Variants in NAALADL2 observed in about 807,000 individuals in gnomAD.
The protein encoded by NAALADL2 is N-acetylated alpha-linked acidic dipeptidase like 2, also known as inactive N-acetylated-alpha-linked acidic dipeptidase-like protein 2.
Under a neutral mutation model 87.2 loss-of-function variants are expected in NAALADL2, and 76 were observed. The observed-to-expected ratio is 0.87, with a 90% CI of 0.72 to 1.05. The LOEUF is 1.05. Ranked by LOEUF, NAALADL2 falls within the 50% of genes least tolerant of loss-of-function variation. The pLI is 0.00. For missense variants in NAALADL2, 1,089 were observed against 945.8 expected (o/e 1.15, Z -1.99); for synonymous variants, 354 against 331.0 (o/e 1.07, Z -0.75).
intron 11 of NAALADL2, among the ~76,000 whole-genome samples, chr3:175,708,042 C>T (rs1739982107): frequency 6.6e-6 from 1 of 151,908 alleles, no homozygotes; most frequent in Admixed American, 6.6e-5. Flanking sequence ...ACATTTCAGG[C>T]AAAGGCAATG....
rs1297830446 is a variant in NAALADL2 at position 175,809,511 on chromosome 3, T to TAAAAAAAAAA, written c.*6327_*6336dup. 2 of 31,506 alleles carry TAAAAAAAAAA rather than the reference T, an allele frequency of 6.3e-5. No individual in the cohort carries two copies. The highest frequency in any genetic ancestry group is 1.1e-4 in the Non-Finnish European group (2 of 17,644). 2.0% of individuals were successfully genotyped at this position (31,506 alleles called of 1,614,324 possible). On this transcript the variant is annotated 3_prime_UTR_variant, in exon 14 of 14. Coordinates refer to ENST00000454872, the MANE Select transcript of NAALADL2 (RefSeq NM_207015.3). ...CAACAAAGTGAGACCCTGTCTCTCT[T>TAAAAAAAAAA]AAAAAAAAAAAAAAAAAAAAAAAAA...
intron 1 of NAALADL2, among the ~76,000 whole-genome samples, chr3:175,070,381 A>G (rs969665881): frequency 2.0e-5 from 3 of 152,020 alleles, no homozygotes; most frequent in African/African-American, 7.2e-5. Context: ...TTTATTGCAT[A>G]TAATGAGAAT....
At chr3:175,190,785 G>C (rs1046173742) in intron 2 of NAALADL2, among the ~76,000 whole-genome samples, 10 of 151,868 alleles carry the variant, frequency 6.6e-5, no homozygotes, top group Non-Finnish European at 1.0e-4. Flanking sequence ...GACCATCCTG[G>C]CTAACACGGT....
chr3:175,116,199 T>G (rs1006430401), intron 2 of NAALADL2, among the ~76,000 whole-genome samples: 1 of 151,884 alleles, frequency 6.6e-6, no homozygotes, highest in Non-Finnish European at 1.5e-5. Flanking sequence ...CTCTCACCAC[T>G]CCTATTCAAC....
intron 2 of NAALADL2, among the ~76,000 whole-genome samples, chr3:174,575,783 A>G (rs1029779874): frequency 6.6e-6 from 1 of 152,186 alleles, no homozygotes. Flanking sequence ...TAATTTAGTC[A>G]TTCACTTACT....
intron 2 of NAALADL2, among the ~76,000 whole-genome samples, chr3:174,610,418 T>C (rs1719695752): frequency 6.6e-6 from 1 of 151,752 alleles, no homozygotes; most frequent in South Asian, 2.1e-4. Flanking sequence ...CCTACTCATC[T>C]GACAAAGGGC....
chr3:175,639,987 G>C (rs1384782060), intron 11 of NAALADL2, among the ~76,000 whole-genome samples: 1 of 152,218 alleles, frequency 6.6e-6, no homozygotes, highest in Non-Finnish European at 1.5e-5. Context: ...TGAGTAGTTA[G>C]TGCGTGAACT....
At chr3:174,509,365 A>G (rs900413866) in intron 1 of NAALADL2, among the ~76,000 whole-genome samples, 15 of 150,218 alleles carry the variant, frequency 1.0e-4, no homozygotes, top group African/African-American at 3.4e-4. Context: ...GTGGGTGGAG[A>G]GAGAGAGAGA....
chr3:174,831,902 G>A (rs1168019989), intron 3 of NAALADL2, among the ~76,000 whole-genome samples: 1 of 151,314 alleles, frequency 6.6e-6, no homozygotes, highest in Non-Finnish European at 1.5e-5. Context: ...GCGTAGAGGT[G>A]TTTGTAGTAT....
chr3:174,756,690 G>A (rs1338707707), intron 3 of NAALADL2, among the ~76,000 whole-genome samples: 2 of 152,198 alleles, frequency 1.3e-5, no homozygotes, highest in Non-Finnish European at 2.9e-5. Flanking sequence ...CATAAGGTCA[G>A]AGAAGTAGGT....
intron 2 of NAALADL2, among the ~76,000 whole-genome samples, chr3:174,704,556 G>A (rs1420867972): frequency 6.6e-6 from 1 of 151,922 alleles, no homozygotes; most frequent in East Asian, 1.9e-4. Context: ...GAGGATAAAT[G>A]AGACAAGTTT....
chr3:175,690,114 G>T lies in NAALADL2; in HGVS notation c.1897-47192G>T, dbSNP rs142878504. Among the ~76,000 whole-genome samples the T allele has an allele frequency of 7.6e-4, 116 of 152,150 alleles. 1 individual carries two copies. Among genetic ancestry groups the T allele is most frequent in the African/African-American group, 2.5e-3 (102 of 41,526 alleles). ...CTATATAAATATATAGAGAAAGTTT[G>T]ATTCTGCAATCTTTCATGCCACCTG... is the stretch of plus-strand genomic sequence containing the variant. On this transcript the variant is annotated intron_variant, in intron 11 of 13. Coordinates refer to ENST00000454872, the MANE Select transcript of NAALADL2 (RefSeq NM_207015.3).
chr3:175,059,607 G>C, intron 1 of NAALADL2: 1 of 350,696 alleles, frequency 2.9e-6, no homozygotes, highest in South Asian at 2.8e-5. Flanking sequence ...ACATCAGTAT[G>C]ATGGAAAATG....
intron 1 of NAALADL2, among the ~76,000 whole-genome samples, chr3:174,893,905 A>G (rs1731177702): frequency 6.6e-6 from 1 of 152,204 alleles, no homozygotes; most frequent in Non-Finnish European, 1.5e-5. Context: ...TAAACTCTCC[A>G]ATACAAAAAT....
At chr3:174,847,096 T>C (rs1724707316) in intron 3 of NAALADL2, among the ~76,000 whole-genome samples, 1 of 152,182 alleles carries the variant, frequency 6.6e-6, no homozygotes, top group Non-Finnish European at 1.5e-5. Flanking sequence ...GGGTTAATGG[T>C]ATCACTGAGA....
intron 3 of NAALADL2, among the ~76,000 whole-genome samples, chr3:174,806,383 T>C (rs1257488656): frequency 2.0e-5 from 3 of 152,150 alleles, no homozygotes; most frequent in Admixed American, 6.6e-5. Context: ...TATTTCTTTG[T>C]AAGTCGGTCA....
chr3:175,234,306 T>C, intron 3 of NAALADL2, 102 bp downstream of exon 3: 1 of 1,256,266 alleles, frequency 8.0e-7, no homozygotes, highest in East Asian at 2.4e-5. Context: ...CATACAAAAG[T>C]AACCATTAAA....
intron 1 of NAALADL2, among the ~76,000 whole-genome samples, chr3:174,441,277 C>T (rs949106082): frequency 1.5e-4 from 23 of 152,180 alleles, no homozygotes; most frequent in African/African-American, 5.3e-4. Context: ...GCGCGGGGCA[C>T]CTGGCTCTGG....
intron 3 of NAALADL2, chr3:175,235,937 A>G (rs1745763630): frequency 6.6e-6 from 1 of 152,210 alleles, no homozygotes; most frequent in African/African-American, 2.4e-5. Flanking sequence ...CAACTAATTT[A>G]TTTAAATAAG....
Sources: gnomAD v4.1 joint callset for allele counts (sites outside exome capture counted in the v4.1 genomes callset) on GRCh38, gnomAD v4.1.1 for gene constraint, MANE v1.5 for transcripts, NCBI Gene and HGNC (gene_info 2026-07-23, HGNC 2026-07-21) for gene names.